Variants in C12orf56 observed in about 807,000 individuals in gnomAD.
C12orf56 encodes the protein uncharacterized protein C12orf56.
C12orf56 carries 71 observed loss-of-function variants against 69.9 expected under a neutral mutation model. The ratio of observed to expected loss-of-function variants is 1.02; its 90% CI spans 0.84 to 1.24. The LOEUF is 1.24. C12orf56 is among the 50% of genes most tolerant of loss of function. The pLI is 0.00. For missense variants in C12orf56, 732 were observed against 738.5 expected (o/e 0.99, Z 0.10); for synonymous variants, 276 against 274.1 (o/e 1.01, Z -0.07).
chr12:64,281,131 G>T (rs112508534), intron 8 of C12orf56, among the ~76,000 whole-genome samples: 2,862 of 151,880 alleles, frequency 0.019, 91 homozygotes, highest in African/African-American at 0.065. Flanking sequence ...AAATTAGCAG[G>T]GTGTGGTGGT....
chr12:64,286,098 G>T, intron 6 of C12orf56, 38 bp from the exon 7 acceptor site: 1 of 1,295,776 alleles, frequency 7.7e-7, no homozygotes, highest in Non-Finnish European at 1.1e-6. Context: ...AGTAATTAAG[G>T]TATCTGTTGT....
intron 5 of C12orf56, among the ~76,000 whole-genome samples, chr12:64,304,712 C>T (rs2038488881): frequency 1.3e-5 from 2 of 152,166 alleles, no homozygotes; most frequent in South Asian, 2.1e-4. Context: ...TGGGCGCTGA[C>T]GAGGTGGCCG....
At chr12:64,284,515 T>C in intron 8 of C12orf56, 149 bp downstream of exon 8, 1 of 535,070 alleles carries the variant, frequency 1.9e-6, no homozygotes. Context: ...CTGTTCATCA[T>C]GGAAGGAAGG....
chr12:64,302,035 A>C (rs950679109), intron 6 of C12orf56, among the ~76,000 whole-genome samples: 1 of 152,246 alleles, frequency 6.6e-6, no homozygotes, highest in Non-Finnish European at 1.5e-5. Flanking sequence ...GTTGTAGATT[A>C]AATTGATACT....
chr12:64,319,134 A>G lies in C12orf56; in HGVS notation c.489-154T>C, dbSNP rs1397319858. ...CATTGAACCTCGCTGGTAATAACCC[A>G]TTGACTAGAGGAGATTTGATACTGC... On this transcript the variant is annotated intron_variant, in intron 3 of 12. Coordinates refer to ENST00000543942, the MANE Select transcript of C12orf56 (RefSeq NM_001170633.2). The G allele has an allele frequency of 1.1e-5, 7 of 655,890 alleles. No homozygotes were observed. The Admixed American group carries it at 2.4e-4, about 23-fold the overall frequency. 40.6% of individuals were successfully genotyped at this position (655,890 alleles called of 1,614,324 possible). A position where few individuals can be genotyped will look rare whatever the true frequency, so the allele number is the denominator to read the frequency against.
chr12:64,390,284 C>G (rs770674395), intron 1 of C12orf56, 30 bp downstream of exon 1: 114 of 1,575,442 alleles, frequency 7.2e-5, no homozygotes, highest in East Asian at 9.2e-5. Context: ...ACTGCGCTCC[C>G]GAGCCCGCCT....
intron 6 of C12orf56, among the ~76,000 whole-genome samples, chr12:64,302,100 T>G (rs1337671669): frequency 6.6e-6 from 1 of 152,196 alleles, no homozygotes; most frequent in Non-Finnish European, 1.5e-5. Flanking sequence ...CCTAATTTAT[T>G]TACCCTTTCC....
chr12:64,315,475 C>T (rs997607180), intron 4 of C12orf56, among the ~76,000 whole-genome samples: 19 of 152,128 alleles, frequency 1.2e-4, no homozygotes, highest in Middle Eastern at 3.4e-3. Context: ...GAATTTAAGG[C>T]GCTAAACAAC....
At chr12:64,320,512 T>C (rs978298887) in intron 3 of C12orf56, among the ~76,000 whole-genome samples, 2 of 152,202 alleles carry the variant, frequency 1.3e-5, no homozygotes, top group African/African-American at 4.8e-5. Flanking sequence ...GCTAATACTC[T>C]TCTGATTTTC....
At chr12:64,297,067 C>T (rs1003857718) in intron 6 of C12orf56, among the ~76,000 whole-genome samples, 1 of 152,072 alleles carries the variant, frequency 6.6e-6, no homozygotes, top group African/African-American at 2.4e-5. Flanking sequence ...AAGACAATGG[C>T]CCTAATCTCT....
intron 3 of C12orf56, among the ~76,000 whole-genome samples, chr12:64,320,785 C>T (rs1432005363): frequency 6.6e-6 from 1 of 152,168 alleles, no homozygotes; most frequent in African/African-American, 2.4e-5. Flanking sequence ...CGGACCAAAA[C>T]AGAAGGGAGT....
chr12:64,365,674 T>C (rs1009922318), intron 1 of C12orf56, among the ~76,000 whole-genome samples: 5 of 146,018 alleles, frequency 3.4e-5, no homozygotes, highest in Admixed American at 7.1e-5. Context: ...CTCAGGTATA[T>C]ATAATATAAT....
intron 1 of C12orf56, among the ~76,000 whole-genome samples, chr12:64,378,803 C>T (rs1197738374): frequency 6.6e-6 from 1 of 151,952 alleles, no homozygotes; most frequent in Non-Finnish European, 1.5e-5. Context: ...GTAATCCCAG[C>T]ACTTTGGGAG....
At chr12:64,280,333 T>C (rs1011441310) in intron 8 of C12orf56, among the ~76,000 whole-genome samples, 11 of 145,338 alleles carry the variant, frequency 7.6e-5, no homozygotes, top group Admixed American at 7.4e-4. Flanking sequence ...AGTTTAATAC[T>C]TTATTGTTTA....
intron 1 of C12orf56, among the ~76,000 whole-genome samples, chr12:64,362,425 C>T (rs972175461): frequency 6.6e-6 from 1 of 152,088 alleles, no homozygotes; most frequent in African/African-American, 2.4e-5. Flanking sequence ...GGCGTGGTGG[C>T]TCACACCTGT....
intron 3 of C12orf56, among the ~76,000 whole-genome samples, chr12:64,327,819 C>G (rs1422208897): frequency 6.6e-6 from 1 of 152,180 alleles, no homozygotes; most frequent in Non-Finnish European, 1.5e-5. Context: ...TCAAAACCTC[C>G]AAAGCCTTGA....
intron 8 of C12orf56, among the ~76,000 whole-genome samples, chr12:64,284,023 G>C (rs915365574): frequency 9.3e-5 from 14 of 149,800 alleles, no homozygotes; most frequent in African/African-American, 3.4e-4. Flanking sequence ...TCAGCCTCCC[G>C]AGTAGCTGGG....
chr12:64,282,077 T>C (rs74097994), intron 8 of C12orf56, among the ~76,000 whole-genome samples: 2,873 of 152,304 alleles, frequency 0.019, 93 homozygotes, highest in African/African-American at 0.065. Flanking sequence ...GTATTCAAGC[T>C]GGGCGCAGTG....
chr12:64,376,044 T>C (rs2039635180), intron 1 of C12orf56, among the ~76,000 whole-genome samples: 1 of 140,224 alleles, frequency 7.1e-6, no homozygotes, highest in Non-Finnish European at 1.5e-5. Context: ...CTGAGAATTA[T>C]GCTCAGCAAA....
Sources: gnomAD v4.1 joint callset for allele counts (sites outside exome capture counted in the v4.1 genomes callset) on GRCh38, gnomAD v4.1.1 for gene constraint, MANE v1.5 for transcripts, NCBI Gene and HGNC (gene_info 2026-07-23, HGNC 2026-07-21) for gene names.